The following DHRSX variants were observed in gnomAD, a reference collection of about 807,000 sequenced individuals.
The protein encoded by DHRSX is dehydrogenase/reductase X-linked.
DHRSX carries 31 observed loss-of-function variants against 34.0 expected under a neutral mutation model. The observed-to-expected ratio is 0.91, with a 90% CI of 0.69 to 1.23. DHRSX has a LOEUF of 1.23. DHRSX is among the 50% of genes most tolerant of loss of function. The pLI, the probability that DHRSX is intolerant of heterozygous loss-of-function variation, is 0.00. For synonymous variants in DHRSX, 201 were observed against 183.8 expected, an observed-to-expected ratio of 1.09 and a Z score of -0.76; for missense variants, 414 against 428.1, an observed-to-expected ratio of 0.97 and a Z score of 0.29.
chrX:2,323,844 G>T (rs149123685), intron 3 of DHRSX, among the ~76,000 whole-genome samples: 2,519 of 151,882 alleles, frequency 0.017, 88 homozygotes, highest in African/African-American at 0.057. Flanking sequence ...AAAAATAGGG[G>T]CTTCCGGTTT....
chrX:2,481,091 T>G (rs2044763033), intron 1 of DHRSX, among the ~76,000 whole-genome samples: 1 of 152,168 alleles, frequency 6.6e-6, no homozygotes, highest in Non-Finnish European at 1.5e-5. Context: ...GATATGTTAA[T>G]TAGGTTAATA....
chrX:2,393,582 C>A (rs113595154), intron 3 of DHRSX, among the ~76,000 whole-genome samples: 363 of 139,866 alleles, frequency 2.6e-3, no homozygotes, highest in Non-Finnish European at 4.2e-3. Context: ...CAGGGACCTC[C>A]CCATCTCCTC....
intron 3 of DHRSX, among the ~76,000 whole-genome samples, chrX:2,291,894 G>GTTTTTTTTTTT (rs1162716010): frequency 3.1e-5 from 3 of 95,314 alleles, no homozygotes; most frequent in African/African-American, 1.2e-4. Flanking sequence ...TTGTATTTTT[G>GTTTTTTTTTTT]TATTTTTTTT....
intron 5 of DHRSX, among the ~76,000 whole-genome samples, chrX:2,256,496 A>G (rs2041281438): frequency 2.0e-5 from 3 of 151,980 alleles, no homozygotes; most frequent in Non-Finnish European, 4.4e-5. Context: ...GGGTTTCCCC[A>G]TGTTGACCAG....
chrX:2,490,762 G>C, intron 1 of DHRSX: 1 of 1,584,764 alleles, frequency 6.3e-7, no homozygotes, highest in Non-Finnish European at 8.6e-7. Flanking sequence ...CTGCTCATGC[G>C]TGGGGACCTG....
chrX:2,252,008 T>C (rs1437511642), intron 5 of DHRSX, among the ~76,000 whole-genome samples: 4 of 151,946 alleles, frequency 2.6e-5, no homozygotes, highest in African/African-American at 7.2e-5. Context: ...GAGGCTGAGG[T>C]GGGTGGATCA....
At chrX:2,246,665 G>C (rs1308147923) in intron 5 of DHRSX, among the ~76,000 whole-genome samples, 3 of 83,478 alleles carry the variant, frequency 3.6e-5, no homozygotes, top group South Asian at 6.7e-4. Flanking sequence ...AGAAAGAAAA[G>C]AAAGAAAAGA....
chrX:2,481,620 C>T (rs1298510299), intron 1 of DHRSX, among the ~76,000 whole-genome samples: 1 of 150,346 alleles, frequency 6.7e-6, no homozygotes, highest in Non-Finnish European at 1.5e-5. Flanking sequence ...GAGCCGAGAT[C>T]GTGCCATTGC....
intron 3 of DHRSX, among the ~76,000 whole-genome samples, chrX:2,386,429 G>A (rs1190120998): frequency 6.6e-6 from 1 of 152,008 alleles, no homozygotes; most frequent in Non-Finnish European, 1.5e-5. Context: ...ATGTTGGCCA[G>A]GCTGGTCTCG....
At chrX:2,360,539 C>T (rs1016794297) in intron 3 of DHRSX, among the ~76,000 whole-genome samples, 23 of 151,962 alleles carry the variant, frequency 1.5e-4, no homozygotes, top group African/African-American at 4.6e-4. Context: ...GCCAAGATCG[C>T]GCCACTGCAC....
chrX:2,354,873 C>G (rs1466464072), intron 3 of DHRSX, among the ~76,000 whole-genome samples: 1 of 152,116 alleles, frequency 6.6e-6, no homozygotes, highest in Non-Finnish European at 1.5e-5. Context: ...AAAAAAGAAC[C>G]AACTCACGCA....
chrX:2,224,060 G>A (rs767644314), intron 6 of DHRSX, among the ~76,000 whole-genome samples: 3 of 152,324 alleles, frequency 2.0e-5, no homozygotes, highest in East Asian at 1.9e-4. Flanking sequence ...CACCCACACT[G>A]TGTTATATTT....
intron 6 of DHRSX, among the ~76,000 whole-genome samples, chrX:2,221,896 G>A (rs1232641645): frequency 1.3e-5 from 2 of 152,144 alleles, no homozygotes; most frequent in Admixed American, 6.6e-5. Context: ...ATTCTCAGAG[G>A]AATTAGAAGT....
chrX:2,486,073 C>A (rs1375217555), intron 1 of DHRSX, among the ~76,000 whole-genome samples: 3 of 151,958 alleles, frequency 2.0e-5, no homozygotes, highest in African/African-American at 7.3e-5. Flanking sequence ...GGCGCTGATG[C>A]CATCCGGATC....
intron 3 of DHRSX, among the ~76,000 whole-genome samples, chrX:2,390,009 G>A (rs910574215): frequency 5.6e-4 from 85 of 152,004 alleles, no homozygotes; most frequent in Non-Finnish European, 7.2e-4. Context: ...TCGAACTCCC[G>A]ACCTCAAGTG....
intron 3 of DHRSX, among the ~76,000 whole-genome samples, chrX:2,307,301 G>A (rs893365804): frequency 6.6e-5 from 10 of 152,072 alleles, no homozygotes; most frequent in Admixed American, 4.6e-4. Context: ...GCACACCTGC[G>A]CATTCCAAGA....
At chrX:2,366,847 C>T (rs1431899799) in intron 3 of DHRSX, among the ~76,000 whole-genome samples, 9 of 151,986 alleles carry the variant, frequency 5.9e-5, no homozygotes, top group African/African-American at 9.7e-5. Flanking sequence ...GATGCTCCCG[C>T]CTTGGCCTCC....
In DHRSX at chrX:2,500,909, GCAGA is replaced by G. The variant is rs2042924233; in HGVS notation, c.13_16del (p.Ser5ArgfsTer11). On this transcript the variant is annotated frameshift_variant, in exon 1 of 7. Coordinates refer to ENST00000334651, the MANE Select transcript of DHRSX (RefSeq NM_145177.3). LOFTEE classifies it high-confidence loss of function. ...GTAGACCCGCAGGGCCGCCCGCGCC[GCAGA>G]CAATGGCGACATGGCTGCCCCGGCC... 9.0e-7 allele frequency: 1 copy of G among 1,112,460 alleles called. No homozygotes were observed. The highest frequency in any genetic ancestry group is 1.1e-6 in the Non-Finnish European group (1 of 910,082). 68.9% of individuals were successfully genotyped at this position (1,112,460 alleles called of 1,614,324 possible).
intron 1 of DHRSX, among the ~76,000 whole-genome samples, chrX:2,447,785 G>A (rs1173800131): frequency 7.7e-6 from 1 of 129,706 alleles, no homozygotes; most frequent in Non-Finnish European, 1.6e-5. Flanking sequence ...GGCACAGAGA[G>A]AATACCATAT....
Sources: allele counts gnomAD v4.1 joint callset (sites outside exome capture counted in the v4.1 genomes callset), GRCh38; gene constraint gnomAD v4.1.1; transcripts MANE v1.5; gene names NCBI Gene and HGNC (gene_info 2026-07-23, HGNC 2026-07-21).